The following CHD2 variants were observed in gnomAD, a reference collection of about 807,000 sequenced individuals.
CHD2 encodes the protein ATP-dependent chromatin remodeler CHD2.
Under a neutral mutation model 243.9 loss-of-function variants are expected in CHD2, and 28 were observed. That is an observed-to-expected ratio of 0.11 (90% confidence interval 0.09 to 0.16). The LOEUF is 0.16. Ranked by LOEUF, CHD2 falls within the 10% of genes least tolerant of loss-of-function variation. CHD2 has a pLI of 1.00. For missense variants in CHD2, 1,386 were observed against 2,209.8 expected (o/e 0.63, Z 7.47); for synonymous variants, 775 against 779.0 (o/e 0.99, Z 0.09).
intron 3 of CHD2, 45 bp from the exon 4 acceptor site, chr15:92,927,199 G>A (rs761372349): frequency 4.6e-6 from 6 of 1,317,400 alleles, no homozygotes; most frequent in Non-Finnish European, 5.4e-6. Flanking sequence ...TAATAATAAT[G>A]GGGGTCAAGA....
At chr15:92,964,769 G>C (rs777536066) in intron 16 of CHD2, among the ~76,000 whole-genome samples, 3 of 152,184 alleles carry the variant, frequency 2.0e-5, no homozygotes, top group Non-Finnish European at 4.4e-5. Flanking sequence ...GATATGACAA[G>C]ATTGAAAAAT....
Position 92,901,233 on chromosome 15 carries a change from A to G in CHD2, c.-5A>G. 3 of 1,572,050 alleles carry G rather than the reference A, an allele frequency of 1.9e-6. No individual in the cohort carries two copies. Among genetic ancestry groups the G allele is most frequent in the Non-Finnish European group, 1.7e-6 (2 of 1,143,074 alleles). ...CCCTCCCCCTTAATATTTAAGAATT[A>G]AAAGATGATGAGAAATAAGGACAAA... On this transcript the variant is annotated 5_prime_UTR_variant, in exon 2 of 39. Coordinates refer to ENST00000394196, the MANE Select transcript of CHD2 (RefSeq NM_001271.4).
At chr15:93,013,824 C>T (rs1226581328) in intron 36 of CHD2, among the ~76,000 whole-genome samples, 1 of 151,048 alleles carries the variant, frequency 6.6e-6, no homozygotes, top group African/African-American at 2.4e-5. Context: ...AGCCCCAGCC[C>T]CTCAGGAGGC....
intron 4 of CHD2, among the ~76,000 whole-genome samples, chr15:92,927,581 T>C (rs1040644901): frequency 2.6e-5 from 4 of 152,260 alleles, no homozygotes; most frequent in Non-Finnish European, 4.4e-5. Flanking sequence ...CTCAAAATGG[T>C]TTATTTTTTA....
chr15:92,980,221 T>TC (rs2053961341), intron 22 of CHD2, among the ~76,000 whole-genome samples: 1 of 88,540 alleles, frequency 1.1e-5, no homozygotes, highest in African/African-American at 3.3e-5. Flanking sequence ...ATTTTTTTTT[T>TC]CTTTTTTTTT....
intron 1 of CHD2, 106 bp from the exon 2 acceptor site, chr15:92,901,061 C>G (rs1287247671): frequency 1.6e-6 from 1 of 618,912 alleles, no homozygotes. Flanking sequence ...TGGTGCTTAC[C>G]GTTGTTGTGT....
At chr15:92,972,519 AG>A in intron 19 of CHD2, 102 bp downstream of exon 19, 1 of 1,040,126 alleles carries the variant, frequency 9.6e-7, no homozygotes, top group Non-Finnish European at 1.3e-6. Flanking sequence ...TTGTTAAAGT[AG>A]GAAGTAAGAG....
intron 14 of CHD2, 64 bp downstream of exon 14, chr15:92,953,637 A>T: frequency 6.9e-7 from 1 of 1,453,040 alleles, no homozygotes; most frequent in Non-Finnish European, 9.6e-7. Flanking sequence ...AATTCACTTA[A>T]AGCCTTCAGT....
At position 92,971,891 on chromosome 15, in the gene CHD2, A is replaced by G; in HGVS notation, c.2316A>G (p.Glu772=). 6.2e-7 allele frequency: 1 copy of G among 1,613,030 alleles called. No individual in the cohort carries two copies. The highest frequency in any genetic ancestry group is 1.1e-5 in the South Asian group (1 of 90,724). ...CNHCYLIKPP[E]ENERENGQEI... is the part of the protein sequence containing the mutation. ...ACTGCTATCTGATTAAACCCCCTGA[A>G]GAAAATGAAAGGGAAAATGGACAGG... is the stretch of plus-strand genomic sequence containing the variant. Residue 772 remains glutamate (E), a synonymous_variant, in exon 18 of 39, where the codon GAA becomes GAG. Coordinates refer to ENST00000394196, the MANE Select transcript of CHD2 (RefSeq NM_001271.4).
chr15:92,999,201 C>G (rs2054223961), intron 31 of CHD2, among the ~76,000 whole-genome samples: 1 of 152,062 alleles, frequency 6.6e-6, no homozygotes, highest in Admixed American at 6.5e-5. Flanking sequence ...CTCTGCTCCC[C>G]AGTCCCACTA....
intron 23 of CHD2, 146 bp downstream of exon 23, chr15:92,981,057 C>G: frequency 1.5e-6 from 1 of 666,078 alleles, no homozygotes; most frequent in South Asian, 1.8e-5. Context: ...GTAGGAATCT[C>G]ATAGCTCTTA....
chr15:92,980,579 C>T (rs554055022), intron 22 of CHD2, among the ~76,000 whole-genome samples: 1 of 152,094 alleles, frequency 6.6e-6, no homozygotes, highest in South Asian at 2.1e-4. Flanking sequence ...TCTGGCTTAC[C>T]CATGCAATAG....
Position 92,971,906 on chromosome 15 carries a change from A to T in CHD2, c.2331A>T (p.Glu777Asp). 1 of 1,611,798 alleles carries T rather than the reference A, an allele frequency of 6.2e-7. No homozygotes were observed. The change falls in exon 18 of 39, where the codon GAA becomes GAT. Residue 777 changes from glutamate (E) to aspartate (D), a missense_variant. By Grantham distance (45) the Glu-to-Asp change is conservative (BLOSUM62 2). Transcript: ENST00000394196. ...LIKPPEENER[E>D]NGQEILLSLI... is the part of the protein sequence containing the mutation. ...AACCCCCTGAAGAAAATGAAAGGGA[A>T]AATGGACAGGAGATTCTTCTGGTAG...
intron 34 of CHD2, 128 bp from the exon 35 acceptor site, chr15:93,009,017 A>T: frequency 1.9e-6 from 2 of 1,039,276 alleles, no homozygotes; most frequent in Non-Finnish European, 2.8e-6. Context: ...CACTAGCTTT[A>T]CCCACTCTTC....
intron 16 of CHD2, among the ~76,000 whole-genome samples, chr15:92,960,491 G>A (rs2053670464): frequency 6.6e-6 from 1 of 152,000 alleles, no homozygotes; most frequent in African/African-American, 2.4e-5. Flanking sequence ...TGGATATTAG[G>A]TTTTGTCAAA....
intron 5 of CHD2, among the ~76,000 whole-genome samples, chr15:92,935,695 G>A (rs1052300948): frequency 2.6e-5 from 4 of 152,180 alleles, no homozygotes; most frequent in African/African-American, 9.7e-5. Context: ...CCCACTTACT[G>A]TAAACATCTT....
At position 93,020,255 on chromosome 15, in the gene CHD2, A is replaced by G; in HGVS notation, c.5150A>G (p.Asp1717Gly). The G allele has an allele frequency of 6.2e-7, 1 of 1,614,170 alleles. No homozygotes were observed. The highest frequency in any genetic ancestry group is 8.5e-7 in the Non-Finnish European group (1 of 1,180,040). The change falls in exon 38 of 39, where the codon GAC becomes GGC. Residue 1717 changes from aspartate (D) to glycine (G), a missense_variant. By Grantham distance (94) the Asp-to-Gly change is moderately conservative (BLOSUM62 -1). Transcript: ENST00000394196. ...RDHRGHRDYYDRHHHDSKRRR... is the reference protein window; with the variant it reads ...RDHRGHRDYYGRHHHDSKRRR... ...CACCGGGGACACAGAGATTATTATG[A>G]CAGGTATGCAAAAGGCTGTGAGACA...
Position 92,984,598 on chromosome 15 carries a change from G to C in CHD2, c.3237+98G>C. The C allele has an allele frequency of 5.1e-6, 6 of 1,173,188 alleles. No individual in the cohort carries two copies. In the South Asian group the frequency reaches 1.2e-4, roughly 23 times the overall value. The allele number at this position is 1,173,188 out of a possible 1,614,324, so 72.7% of individuals were successfully genotyped here. On this transcript the variant is annotated intron_variant, in intron 25 of 38. Transcript: ENST00000394196. ...AGAAGAGGCCTTGCATTGTTCCCCT[G>C]ACACAGAGGCTTCAGGAGCAGAGTT...
chr15:93,014,148 A>C (rs1479836555), intron 36 of CHD2, among the ~76,000 whole-genome samples: 1 of 152,202 alleles, frequency 6.6e-6, no homozygotes, highest in Non-Finnish European at 1.5e-5. Context: ...AATACGTGCC[A>C]AATTATTAAC....
Sources: gnomAD v4.1 joint callset for allele counts (sites outside exome capture counted in the v4.1 genomes callset) on GRCh38, gnomAD v4.1.1 for gene constraint, MANE v1.5 for transcripts, NCBI Gene and HGNC (gene_info 2026-07-23, HGNC 2026-07-21) for gene names.